ZNF469: variants seen among roughly 807,000 people sequenced by gnomAD.
ZNF469 encodes zinc finger protein 469.
Under a neutral mutation model 1.0 loss-of-function variants are expected in ZNF469, and 1 was observed. The observed-to-expected ratio is 1.00, with a 90% CI of 0.35 to 4.73. The LOEUF (loss-of-function observed/expected upper bound fraction) is 4.73, where lower values mean the gene tolerates loss of function less well. ZNF469 is among the 30% of genes most tolerant of loss of function. ZNF469 has a pLI of 0.16. For missense variants in ZNF469, 6,100 were observed against 5,356.3 expected, an observed-to-expected ratio of 1.14 and a Z score of -4.33; for synonymous variants, 2,703 against 2,363.4, an observed-to-expected ratio of 1.14 and a Z score of -4.17.
At chr16:88,299,488 A>C in the ZNF469 span, among the ~76,000 whole-genome samples, 1 of 152,310 alleles carries the variant, frequency 6.6e-6, no homozygotes, top group East Asian at 1.9e-4. Flanking sequence ...CTGCTCCAGG[A>C]GCCAGACAGG....
In ZNF469 at chr16:88,430,626, G is replaced by T. The variant is rs1241797678; in HGVS notation, c.3156G>T (p.Leu1052=). ...RGGAWGKELI[L]KIVQQKNRRH... is the part of the protein sequence containing the mutation. ...GCGCCTGGGGCAAGGAGCTCATTCT[G>T]AAGATCGTGCAGCAGAAGAACAGGC... The change falls in exon 3 of 3, where the codon CTG becomes CTT. Residue 1052 remains leucine (L), a synonymous_variant. Transcript: ENST00000565624. 6.7e-7 allele frequency: 1 copy of T among 1,500,314 alleles called. No homozygotes were observed. Among genetic ancestry groups the T allele is most frequent in the East Asian group, 2.7e-5 (1 of 37,046 alleles). 92.9% of individuals were successfully genotyped at this position (1,500,314 alleles called of 1,614,324 possible).
chr16:88,247,440 A>C, the ZNF469 span, among the ~76,000 whole-genome samples: 1 of 150,760 alleles, frequency 6.6e-6, no homozygotes, highest in Admixed American at 6.6e-5. Context: ...GAATGAGTGA[A>C]TAAGTGAGTG....
At chr16:88,411,498 AGGGGTGCAAGCAGGCAGGGGTGCGAGCG>A (rs1905165196) in intron 1 of ZNF469, among the ~76,000 whole-genome samples, 4 of 147,968 alleles carry the variant, frequency 2.7e-5, no homozygotes, top group African/African-American at 5.0e-5. Context: ...GCGAGCGGGC[AGGGGTGCAAGCAGGCAGGGGTGCGAGCG>A]GGCAGGGGTG....
rs1019985559 is a variant in ZNF469 at position 88,428,104 on chromosome 16, C to A, written c.634C>A (p.Gln212Lys). 4.5e-6 allele frequency: 7 copies of A among 1,549,758 alleles called. No homozygotes were observed. Among genetic ancestry groups the A allele is most frequent in the African/African-American group, 1.4e-5 (1 of 73,038 alleles). ...TPRPPAPGPP[Q>K]SRGTSPLQPG... ...CAGGCCCCCAGCCCCGGGGCCCCCC[C>A]AGAGCAGGGGCACCAGCCCCCTCCA... Residue 212 changes from glutamine (Q) to lysine (K), a missense_variant, in exon 3 of 3, where the codon CAG becomes AAG. Gln to Lys is a moderately conservative substitution (Grantham distance 53, BLOSUM62 1). Coordinates refer to ENST00000565624, the MANE Select transcript of ZNF469 (RefSeq NM_001367624.2).
At chr16:88,166,486 C>T in the ZNF469 span, among the ~76,000 whole-genome samples, 20 of 152,126 alleles carry the variant, frequency 1.3e-4, no homozygotes, top group South Asian at 2.1e-4. This position sits in a 1 kb window ranked among gnomAD's most constrained non-coding sequence, Gnocchi z 4.5. Context: ...CAAATGTGAG[C>T]GCCCCTCGGC....
At chr16:88,251,551 T>G in the ZNF469 span, among the ~76,000 whole-genome samples, 14 of 31,406 alleles carry the variant, frequency 4.5e-4, no homozygotes, top group Non-Finnish European at 9.3e-4. Context: ...TTTTTTTTTT[T>G]TTTTTTTTTT....
At chr16:88,289,912 C>T in the ZNF469 span, among the ~76,000 whole-genome samples, 371 of 152,302 alleles carry the variant, frequency 2.4e-3, 5 homozygotes, top group East Asian at 0.04. Context: ...ATAGCTTTCA[C>T]GGGCCAAGAA....
At chr16:88,154,737 T>A in the ZNF469 span, among the ~76,000 whole-genome samples, 3 of 148,288 alleles carry the variant, frequency 2.0e-5, no homozygotes, top group Non-Finnish European at 3.0e-5. Flanking sequence ...TCTGTGTCCC[T>A]AGAGCAGCAT....
At chr16:88,239,491 C>CT in the ZNF469 span, among the ~76,000 whole-genome samples, 1,244 of 135,926 alleles carry the variant, frequency 9.2e-3, 11 homozygotes, top group African/African-American at 0.013. Flanking sequence ...GATGGTCTCT[C>CT]TTTTTTTTTT....
chr16:88,275,106 C>T, the ZNF469 span, among the ~76,000 whole-genome samples: 28 of 152,214 alleles, frequency 1.8e-4, no homozygotes, highest in Non-Finnish European at 7.3e-5. Flanking sequence ...AATGCTCCCA[C>T]GAGCTCTGCA....
chr16:88,260,395 G>A, the ZNF469 span, among the ~76,000 whole-genome samples: 1 of 152,224 alleles, frequency 6.6e-6, no homozygotes, highest in Non-Finnish European at 1.5e-5. This position sits in a 1 kb window ranked among gnomAD's most constrained non-coding sequence, Gnocchi z 4.1. Context: ...AGGTTTCAAT[G>A]AGCTCTGGGC....
At chr16:88,232,786 C>G in the ZNF469 span, among the ~76,000 whole-genome samples, 4 of 152,354 alleles carry the variant, frequency 2.6e-5, no homozygotes, top group East Asian at 7.7e-4. Flanking sequence ...TGTCCTTGAA[C>G]AAAGTCAATG....
the ZNF469 span, among the ~76,000 whole-genome samples, chr16:88,222,040 C>T: frequency 3.0e-4 from 45 of 152,176 alleles, no homozygotes; most frequent in East Asian, 8.5e-3. Flanking sequence ...TGCCATTCAA[C>T]CCCCCTCATC....
the ZNF469 span, among the ~76,000 whole-genome samples, chr16:88,340,949 G>C: frequency 1.3e-5 from 2 of 152,120 alleles, no homozygotes; most frequent in African/African-American, 2.4e-5. Context: ...GGGTAGCAAG[G>C]ACCCTGCAGA....
At chr16:88,332,983 C>T in the ZNF469 span, among the ~76,000 whole-genome samples, 1 of 152,206 alleles carries the variant, frequency 6.6e-6, no homozygotes, top group Non-Finnish European at 1.5e-5. Context: ...ACGTCCCTGC[C>T]CAGCCTCTGT....
the ZNF469 span, among the ~76,000 whole-genome samples, chr16:88,192,863 CGGTGGTGGT>C: frequency 4.7e-4 from 7 of 14,930 alleles, no homozygotes; most frequent in Admixed American, 6.8e-4. Flanking sequence ...ATGGTGATGA[CGGTGGTGGT>C]GATGATGATG....
chr16:88,413,644 G>T (rs573141889), intron 1 of ZNF469, among the ~76,000 whole-genome samples: 1 of 152,236 alleles, frequency 6.6e-6, no homozygotes, highest in East Asian at 1.9e-4. Context: ...GGTTCAGTCA[G>T]TCCCGCCATT....
chr16:88,121,057 G>T, the ZNF469 span, among the ~76,000 whole-genome samples: 1 of 151,668 alleles, frequency 6.6e-6, no homozygotes, highest in Non-Finnish European at 1.5e-5. Context: ...GCACAGTGGG[G>T]TGGGGTGCTG....
chr16:88,264,819 C>T, the ZNF469 span, among the ~76,000 whole-genome samples: 3 of 152,088 alleles, frequency 2.0e-5, no homozygotes, highest in African/African-American at 7.2e-5. Context: ...CCCCGCCTCG[C>T]ACCCTCGCGC....
Sources: gnomAD v4.1 joint callset for allele counts (sites outside exome capture counted in the v4.1 genomes callset) on GRCh38, gnomAD v4.1.1 for gene constraint, Gnocchi (gnomAD v3.1) non-coding constraint, MANE v1.5 for transcripts, NCBI Gene and HGNC (gene_info 2026-07-23, HGNC 2026-07-21) for gene names.